The following KIF13A variants were observed in gnomAD, a reference collection of about 807,000 sequenced individuals.
The protein encoded by KIF13A is kinesin-like protein KIF13A.
KIF13A carries 79 observed loss-of-function variants against 212.2 expected under a neutral mutation model. The ratio of observed to expected loss-of-function variants is 0.37; its 90% CI spans 0.31 to 0.45. The LOEUF (loss-of-function observed/expected upper bound fraction) is 0.45, where lower values mean the gene tolerates loss of function less well. KIF13A is among the 20% of genes least tolerant of loss of function. The pLI, the probability that KIF13A is intolerant of heterozygous loss-of-function variation, is 1.00. For missense variants in KIF13A, 1,901 were observed against 2,209.0 expected, an observed-to-expected ratio of 0.86 and a Z score of 2.79; for synonymous variants, 789 against 808.6, an observed-to-expected ratio of 0.98 and a Z score of 0.41.
intron 38 of KIF13A, among the ~76,000 whole-genome samples, chr6:17,767,255 ATTT>A (rs66600730): frequency 1.4e-5 from 2 of 144,968 alleles, no homozygotes. Flanking sequence ...CTCAAAATTA[ATTT>A]TTTTTTTTTT....
At chr6:17,962,699 T>C (rs1230469000) in intron 2 of KIF13A, among the ~76,000 whole-genome samples, 4 of 152,186 alleles carry the variant, frequency 2.6e-5, no homozygotes, top group Admixed American at 6.5e-5. Flanking sequence ...GTACTTCTGT[T>C]ATATCTACTC....
chr6:17,851,091 T>A (rs886545743), intron 7 of KIF13A, among the ~76,000 whole-genome samples: 1 of 152,146 alleles, frequency 6.6e-6, no homozygotes, highest in Non-Finnish European at 1.5e-5. Context: ...CATCAACACT[T>A]ACCTCAACCA....
chr6:17,808,997 C>A, intron 17 of KIF13A, 67 bp from the exon 18 acceptor site: 1 of 1,388,126 alleles, frequency 7.2e-7, no homozygotes. Flanking sequence ...TCTAAGTGAG[C>A]ATCTTATTAG....
chr6:17,976,494 C>G (rs1780504562), intron 2 of KIF13A, among the ~76,000 whole-genome samples: 1 of 152,220 alleles, frequency 6.6e-6, no homozygotes, highest in African/African-American at 2.4e-5. Flanking sequence ...CGGGGCCCGC[C>G]AAGCCCACGC....
At chr6:17,977,722 T>C (rs1435535482) in intron 2 of KIF13A, among the ~76,000 whole-genome samples, 1 of 152,244 alleles carries the variant, frequency 6.6e-6, no homozygotes, top group Non-Finnish European at 1.5e-5. Context: ...TAAATTATAC[T>C]TTAAGTTCTA....
intron 9 of KIF13A, among the ~76,000 whole-genome samples, chr6:17,845,509 G>A (rs1766937507): frequency 6.6e-6 from 1 of 152,228 alleles, no homozygotes; most frequent in Non-Finnish European, 1.5e-5. Flanking sequence ...AAATAGGAAT[G>A]AGACTGGGAA....
At chr6:17,827,089 A>G (rs1265625581) in intron 14 of KIF13A, among the ~76,000 whole-genome samples, 2 of 151,750 alleles carry the variant, frequency 1.3e-5, no homozygotes, top group African/African-American at 4.8e-5. Flanking sequence ...AAATAAATAA[A>G]TAAAATAATT....
chr6:17,847,812 A>T (rs1767225412), intron 9 of KIF13A, among the ~76,000 whole-genome samples: 1 of 152,010 alleles, frequency 6.6e-6, no homozygotes, highest in Admixed American at 6.6e-5. Context: ...AGGTACTATT[A>T]TTATTATTAT....
In KIF13A at chr6:17,837,565, C is replaced by T. The variant is rs768527050; in HGVS notation, c.849G>A (p.Gly283=). 6.2e-7 allele frequency: 1 copy of T among 1,606,764 alleles called. No homozygotes were observed. The highest frequency in any genetic ancestry group is 1.1e-5 in the South Asian group (1 of 89,546). The change falls in exon 10 of 39, where the codon GGG becomes GGA. Residue 283 remains glycine, a synonymous_variant. Coordinates refer to ENST00000259711, the MANE Select transcript of KIF13A (RefSeq NM_022113.6). This position sits in a 1 kb window ranked among gnomAD's most constrained non-coding sequence, Gnocchi z 5.4. ...SNINKSLTTL[G]LVISSLADQA... ...GGTCAGCCAGTGATGATATAACCAA[C>T]CCCAAGGTTGTAAGCGATCTGTCAA... is the stretch of plus-strand genomic sequence containing the variant.
chr6:17,831,294 T>C, intron 12 of KIF13A, 59 bp from the exon 13 acceptor site: 1 of 1,570,014 alleles, frequency 6.4e-7, no homozygotes, highest in Non-Finnish European at 8.6e-7. Flanking sequence ...TCACAAGATG[T>C]ATCCACGGAA....
In KIF13A at chr6:17,776,794, A is replaced by T. The variant is rs1010175826; in HGVS notation, c.4170+483T>A. 6.6e-6 allele frequency among the ~76,000 whole-genome samples: 1 copy of T among 152,066 alleles called. No individual in the cohort carries two copies. The highest frequency in any genetic ancestry group is 1.5e-5 in the Non-Finnish European group (1 of 68,008). ...GCTAGGATCAGTTTCTGTCAATTGG[A>T]TTTTCTAGATTAACTGGTTGAGAAA... On this transcript the variant is annotated intron_variant, in intron 34 of 38. Transcript: ENST00000259711. This position sits in a 1 kb window ranked among gnomAD's most constrained non-coding sequence, Gnocchi z 4.6.
intron 3 of KIF13A, among the ~76,000 whole-genome samples, chr6:17,873,877 C>T (rs929828927): frequency 3.9e-5 from 6 of 152,156 alleles, no homozygotes; most frequent in Admixed American, 3.9e-4. Flanking sequence ...TAGGTGTGAG[C>T]CATCGCGCCT....
At chr6:17,929,642 T>C (rs1775820615) in intron 2 of KIF13A, among the ~76,000 whole-genome samples, 1 of 152,136 alleles carries the variant, frequency 6.6e-6, no homozygotes, top group South Asian at 2.1e-4. Flanking sequence ...CCTCATGATC[T>C]GCCCGCCTTG....
rs1436231585 is a variant in KIF13A, at chr6:17,892,434, T to G, written c.159+5734A>C. On this transcript the variant is annotated intron_variant, in intron 3 of 38. Transcript: ENST00000259711. The surrounding 1 kb of genome is among the most constrained non-coding windows in gnomAD (Gnocchi z 4.7). ...TGTTCAAAACAGGCAATAGAGACACTGAAGGTATCAAGGTCCAACCCTGAC... is the reference window on the plus strand; with the variant it reads ...TGTTCAAAACAGGCAATAGAGACACGGAAGGTATCAAGGTCCAACCCTGAC... 2.0e-5 allele frequency among the ~76,000 whole-genome samples: 3 copies of G among 152,230 alleles called. No homozygotes were observed. The highest frequency in any genetic ancestry group is 4.4e-5 in the Non-Finnish European group (3 of 68,036).
intron 38 of KIF13A, chr6:17,770,365 T>A (rs1167425944): frequency 5.0e-5 from 2 of 39,800 alleles, no homozygotes; most frequent in Non-Finnish European, 8.5e-5. Flanking sequence ...AACAGGATTT[T>A]TTTTTTTTTT....
rs1759963949 is a variant in KIF13A at position 17,776,160 on chromosome 6, G to A, written c.4171-1098C>T. ...CCCAAAGTGCTGGGATTATAAGCGT[G>A]AGCCACCGTGCCCGATCTTCTTTAC... On this transcript the variant is annotated intron_variant, in intron 34 of 38. Coordinates refer to ENST00000259711, the MANE Select transcript of KIF13A (RefSeq NM_022113.6). This position sits in a 1 kb window ranked among gnomAD's most constrained non-coding sequence, Gnocchi z 4.6. 6.6e-6 allele frequency among the ~76,000 whole-genome samples: 1 copy of A among 152,162 alleles called. No homozygotes were observed. Among genetic ancestry groups the A allele is most frequent in the African/African-American group, 2.4e-5 (1 of 41,428 alleles).
chr6:17,893,248 C>A (rs1237014252), intron 3 of KIF13A, among the ~76,000 whole-genome samples: 1 of 152,210 alleles, frequency 6.6e-6, no homozygotes, highest in Non-Finnish European at 1.5e-5. Context: ...CTATGCCTTG[C>A]CCTTACCTGA....
chr6:17,821,828 T>G (rs1581419628), intron 16 of KIF13A: 2 of 1,535,050 alleles, frequency 1.3e-6, no homozygotes, highest in African/African-American at 1.4e-5. Context: ...TGAAACCACA[T>G]GAGAGGAAAG....
At chr6:17,814,428 T>C (rs1763736030) in intron 17 of KIF13A, among the ~76,000 whole-genome samples, 1 of 151,666 alleles carries the variant, frequency 6.6e-6, no homozygotes, top group African/African-American at 2.4e-5. Flanking sequence ...TTTGTATTTT[T>C]AGTACAGACG....
Sources: allele counts gnomAD v4.1 joint callset (sites outside exome capture counted in the v4.1 genomes callset), GRCh38; gene constraint gnomAD v4.1.1; non-coding constraint Gnocchi (gnomAD v3.1); transcripts MANE v1.5; gene names NCBI Gene and HGNC (gene_info 2026-07-23, HGNC 2026-07-21).